RPS6KA2: variants seen among roughly 807,000 people sequenced by gnomAD.
The protein encoded by RPS6KA2 is ribosomal protein S6 kinase A2.
In RPS6KA2, 42 loss-of-function variants were observed where a neutral mutation model predicts 91.8. That is an observed-to-expected ratio of 0.46 (90% CI 0.36 to 0.59). The LOEUF (loss-of-function observed/expected upper bound fraction) is 0.59. Ranked by LOEUF, RPS6KA2 falls within the 20% of genes least tolerant of loss-of-function variation. The pLI, the probability that RPS6KA2 is intolerant of heterozygous loss-of-function variation, is 0.00. For synonymous variants in RPS6KA2, 414 were observed against 393.6 expected, an observed-to-expected ratio of 1.05 and a Z score of -0.61; for missense variants, 798 against 978.5, an observed-to-expected ratio of 0.82 and a Z score of 2.46.
chr6:166,556,922 G>T (rs73257221), intron 1 of RPS6KA2, among the ~76,000 whole-genome samples: 7,676 of 152,256 alleles, frequency 0.05, 654 homozygotes, highest in African/African-American at 0.17. Context: ...TTAGAAGCCC[G>T]CTAGAGGCTG....
chr6:166,777,245 G>A (rs891609231), intron 2 of RPS6KA2, among the ~76,000 whole-genome samples: 3 of 152,226 alleles, frequency 2.0e-5, no homozygotes, highest in Non-Finnish European at 4.4e-5. Flanking sequence ...TGGATTTTAC[G>A]TCTTCTCTGA....
At chr6:166,723,857 G>T (rs943905988) in intron 2 of RPS6KA2, among the ~76,000 whole-genome samples, 8 of 151,758 alleles carry the variant, frequency 5.3e-5, no homozygotes, top group Non-Finnish European at 1.2e-4. Flanking sequence ...GCGCCACCAC[G>T]CCCAGCTAAT....
Position 166,852,078 on chromosome 6 carries a change from G to A in RPS6KA2, c.123+6122C>T, listed in dbSNP as rs1404180219. On this transcript the variant is annotated intron_variant, in intron 2 of 21. Transcript: ENST00000503859. The surrounding 1 kb of genome is among the most constrained non-coding windows in gnomAD (Gnocchi z 4.1). ...ACACAGATGGGCCTGCAGTGGCTTA[G>A]CCGCATCACCCGCTTTCCAGGAGGC... Among the ~76,000 whole-genome samples the A allele has an allele frequency of 6.6e-6, 1 of 152,198 alleles. No individual in the cohort carries two copies. The highest frequency in any genetic ancestry group is 2.4e-5 in the African/African-American group (1 of 41,456).
At chr6:166,747,400 T>C (rs561158879) in intron 2 of RPS6KA2, among the ~76,000 whole-genome samples, 1 of 152,336 alleles carries the variant, frequency 6.6e-6, no homozygotes, top group Admixed American at 6.5e-5. Flanking sequence ...CACTCAACCA[T>C]AATGGAAGAA....
At chr6:166,759,484 A>C (rs1346140284) in intron 2 of RPS6KA2, among the ~76,000 whole-genome samples, 3 of 152,224 alleles carry the variant, frequency 2.0e-5, no homozygotes, top group African/African-American at 7.2e-5. Context: ...CAAAATAATA[A>C]CACGGGGAGA....
intron 13 of RPS6KA2, among the ~76,000 whole-genome samples, chr6:166,449,167 C>A (rs1042844273): frequency 6.6e-6 from 1 of 152,188 alleles, no homozygotes; most frequent in African/African-American, 2.4e-5. Context: ...GAAGTGCTGG[C>A]AGCTGCTGGG....
intron 2 of RPS6KA2, among the ~76,000 whole-genome samples, chr6:166,835,347 C>T (rs1423051004): frequency 6.6e-6 from 1 of 152,182 alleles, no homozygotes; most frequent in African/African-American, 2.4e-5. Context: ...ATTGGTGTTG[C>T]ATTGGATTCT....
At chr6:166,798,698 C>G (rs993609278) in intron 2 of RPS6KA2, among the ~76,000 whole-genome samples, 26 of 125,696 alleles carry the variant, frequency 2.1e-4, no homozygotes, top group Admixed American at 6.0e-4. Flanking sequence ...CTCGTCAGCT[C>G]TTTCCCAAAA....
At chr6:166,718,316 G>C (rs1325029304) in intron 2 of RPS6KA2, among the ~76,000 whole-genome samples, 1 of 152,188 alleles carries the variant, frequency 6.6e-6, no homozygotes, top group African/African-American at 2.4e-5. Flanking sequence ...GGCATGGGGG[G>C]AGGTTAGTCC....
chr6:166,856,337 G>A (rs1489028539), intron 2 of RPS6KA2, among the ~76,000 whole-genome samples: 1 of 152,142 alleles, frequency 6.6e-6, no homozygotes, highest in Non-Finnish European at 1.5e-5. Context: ...ACCACGTGAG[G>A]ACAAGGGTAA....
intron 10 of RPS6KA2, among the ~76,000 whole-genome samples, chr6:166,477,587 C>A (rs1781023548): frequency 6.6e-6 from 1 of 152,208 alleles, no homozygotes; most frequent in Non-Finnish European, 1.5e-5. Flanking sequence ...TGTAGCAAAT[C>A]CTCTCCCAGC....
intron 1 of RPS6KA2, among the ~76,000 whole-genome samples, chr6:166,555,293 T>C (rs1252411668): frequency 6.6e-6 from 1 of 152,218 alleles, no homozygotes; most frequent in African/African-American, 2.4e-5. Context: ...AAAAGTCACA[T>C]AGCTCTAGAC....
At chr6:166,714,175 G>T (rs752847143) in intron 2 of RPS6KA2, among the ~76,000 whole-genome samples, 5 of 152,224 alleles carry the variant, frequency 3.3e-5, no homozygotes, top group Non-Finnish European at 7.3e-5. Context: ...GCACGCTGTG[G>T]GGATGGGAAG....
chr6:166,550,994 C>CAAAAAAAAA (rs58796308), intron 1 of RPS6KA2, among the ~76,000 whole-genome samples: 45 of 106,330 alleles, frequency 4.2e-4, no homozygotes, highest in East Asian at 9.6e-4. Flanking sequence ...GACTCTATCT[C>CAAAAAAAAA]AAAAAAAAAA....
Position 166,419,330 on chromosome 6 carries a change from G to C in RPS6KA2, c.1820+552C>G. On this transcript the variant is annotated intron_variant, in intron 18 of 20. Transcript: ENST00000265678. The surrounding 1 kb of genome is among the most constrained non-coding windows in gnomAD (Gnocchi z 5.6). Reference sequence around the variant, plus strand: ...TCTTCTCACTCAGGGGAGAGGGAAGGGAGGCTGGTACAGGTTAAAGTGTTT... The same window carrying C: ...TCTTCTCACTCAGGGGAGAGGGAAGCGAGGCTGGTACAGGTTAAAGTGTTT... Among the ~76,000 whole-genome samples the C allele has an allele frequency of 6.6e-6, 1 of 152,232 alleles. No homozygotes were observed. The highest frequency in any genetic ancestry group is 2.1e-4 in the South Asian group (1 of 4,836).
chr6:166,734,219 T>G (rs1790609271), intron 2 of RPS6KA2, among the ~76,000 whole-genome samples: 1 of 152,198 alleles, frequency 6.6e-6, no homozygotes, highest in Non-Finnish European at 1.5e-5. Context: ...ATTCTCACTC[T>G]TCTTACTAGT....
chr6:166,832,036 T>TGATAGATAGATAGATAGATA (rs58214863), intron 2 of RPS6KA2, among the ~76,000 whole-genome samples: 2 of 147,938 alleles, frequency 1.4e-5, no homozygotes, highest in Admixed American at 6.7e-5. Flanking sequence ...AGATGATACA[T>TGATAGATAGATAGATAGATA]GATAGATAGA....
rs576938585 is a variant in RPS6KA2 at position 166,701,594 on chromosome 6, G to T, written c.123+156606C>A. On this transcript the variant is annotated intron_variant, in intron 2 of 21. Transcript: ENST00000503859. Reference sequence around the variant, plus strand: ...ATGAGGGCTCTGACTGATAGAGCCGGGATAAACAGATGAACAGTCTCGGAT... The same window carrying T: ...ATGAGGGCTCTGACTGATAGAGCCGTGATAAACAGATGAACAGTCTCGGAT... The T allele has an allele frequency of 3.0e-6, 4 of 1,345,130 alleles. No homozygotes were observed. In the South Asian group the frequency reaches 4.7e-5, roughly 16 times the overall value. 83.3% of individuals were successfully genotyped at this position (1,345,130 alleles called of 1,614,324 possible).
At chr6:166,761,132 C>T (rs1275639144) in intron 2 of RPS6KA2, among the ~76,000 whole-genome samples, 4 of 152,282 alleles carry the variant, frequency 2.6e-5, no homozygotes, top group Non-Finnish European at 4.4e-5. Context: ...GGTGCGATCT[C>T]GGCTCACTGC....
Sources: allele counts gnomAD v4.1 joint callset (sites outside exome capture counted in the v4.1 genomes callset), GRCh38; gene constraint gnomAD v4.1.1; non-coding constraint Gnocchi (gnomAD v3.1); transcripts MANE v1.5; gene names NCBI Gene and HGNC (gene_info 2026-07-23, HGNC 2026-07-21).